MBNL3: variants seen among roughly 807,000 people sequenced by gnomAD.
MBNL3 encodes muscleblind-like protein 3.
MBNL3 carries 6 observed loss-of-function variants against 24.5 expected under a neutral mutation model. That is an observed-to-expected ratio of 0.25 (90% confidence interval 0.13 to 0.48). MBNL3 has a LOEUF of 0.48. Among genes scored for constraint, MBNL3 ranks in the 20% least tolerant of loss-of-function variants. The probability of loss-of-function intolerance (pLI) is 0.99; values close to 1 mark genes in which losing one functional copy is unlikely to be tolerated. For synonymous variants in MBNL3, 100 were observed against 101.7 expected, an observed-to-expected ratio of 0.98 and a Z score of 0.10; for missense variants, 230 against 293.5, an observed-to-expected ratio of 0.78 and a Z score of 1.58.
chrX:132,432,417 A>AT (rs1341228374), intron 2 of MBNL3: 1 of 110,307 alleles, frequency 9.1e-6, no homozygotes, highest in African/African-American at 3.3e-5. Flanking sequence ...ATTCCAGGAC[A>AT]TTTTCATCAC....
chrX:132,483,027 G>A (rs772626876), intron 1 of MBNL3, among the ~76,000 whole-genome samples: 5 of 112,537 alleles, frequency 4.4e-5, no homozygotes, highest in Non-Finnish European at 7.5e-5. Context: ...ATCTGGGTGA[G>A]CTAATAAGGT....
chrX:132,485,656 C>G (rs934064489), intron 1 of MBNL3, among the ~76,000 whole-genome samples: 66 of 112,239 alleles, frequency 5.9e-4, no homozygotes, highest in African/African-American at 2.1e-3. Context: ...TATGAAAGAT[C>G]TAATTGCTTT....
intron 3 of MBNL3, among the ~76,000 whole-genome samples, chrX:132,395,386 T>G (rs1937940663): frequency 8.9e-6 from 1 of 112,116 alleles, no homozygotes; most frequent in Non-Finnish European, 1.9e-5. Flanking sequence ...GTTTTAACTA[T>G]ACTGACTCTG....
At chrX:132,462,139 A>G (rs1434996750) in intron 1 of MBNL3, among the ~76,000 whole-genome samples, 6 of 111,830 alleles carry the variant, frequency 5.4e-5, no homozygotes, top group Admixed American at 4.7e-4. Flanking sequence ...AGTTCTGATA[A>G]CTGGAGTTGA....
chrX:132,413,429 G>A, intron 2 of MBNL3: 1 of 1,008,211 alleles, frequency 9.9e-7, no homozygotes, highest in Non-Finnish European at 1.4e-6. Context: ...CTTCTGCCTT[G>A]ATAAGTTGAG....
chrX:132,410,442 CT>C (rs1180288928), intron 2 of MBNL3, among the ~76,000 whole-genome samples: 1 of 111,315 alleles, frequency 9.0e-6, no homozygotes, highest in African/African-American at 3.3e-5. Flanking sequence ...AGAGAAACAG[CT>C]GTTTGCAGAA....
intron 1 of MBNL3, among the ~76,000 whole-genome samples, chrX:132,466,171 G>C (rs1222828911): frequency 1.8e-5 from 2 of 112,272 alleles, no homozygotes; most frequent in Non-Finnish European, 3.8e-5. Context: ...GAAGTGATTT[G>C]TAAAACGTTG....
intron 2 of MBNL3, among the ~76,000 whole-genome samples, chrX:132,435,679 T>C (rs971887361): frequency 2.7e-5 from 3 of 111,849 alleles, no homozygotes; most frequent in African/African-American, 9.7e-5. Flanking sequence ...ATATGTGATT[T>C]TGAAGACATG....
rs926323528 is a variant in MBNL3 at position 132,369,405 on chromosome X, A to G, written c.*10261T>C. ...TTACTATATATACAGAAATATATATAATTAACATGGATCCAATTATCTCAT... is the reference window on the plus strand; with the variant it reads ...TTACTATATATACAGAAATATATATGATTAACATGGATCCAATTATCTCAT... On this transcript the variant is annotated 3_prime_UTR_variant, in exon 9 of 9. Transcript: ENST00000370853. The G allele has an allele frequency of 8.9e-6, 1 of 112,146 alleles. No individual in the cohort carries two copies. Among genetic ancestry groups the G allele is most frequent in the Non-Finnish European group, 1.9e-5 (1 of 53,211 alleles). 9.2% of individuals were successfully genotyped at this position (112,146 alleles called of 1,213,427 possible). A position where few individuals can be genotyped will look rare whatever the true frequency, so the allele number is the denominator to read the frequency against.
intron 1 of MBNL3, among the ~76,000 whole-genome samples, chrX:132,479,424 T>C (rs1947611740): frequency 8.9e-6 from 1 of 112,424 alleles, no homozygotes; most frequent in Non-Finnish European, 1.9e-5. Context: ...AATTTTAGTG[T>C]ATCTTAACAT....
chrX:132,446,567 C>T (rs961631489), intron 1 of MBNL3, among the ~76,000 whole-genome samples: 4 of 112,281 alleles, frequency 3.6e-5, no homozygotes, highest in African/African-American at 1.3e-4. Context: ...TGAGAAGTGT[C>T]TGTTCATATC....
intron 2 of MBNL3, among the ~76,000 whole-genome samples, chrX:132,426,487 G>A (rs138302543): frequency 0.025 from 2,759 of 110,861 alleles, 67 homozygotes; most frequent in African/African-American, 0.085. Context: ...CTTTTTTTCT[G>A]TCATTTTTTT....
chrX:132,391,449 T>G (rs180839433), intron 4 of MBNL3, among the ~76,000 whole-genome samples: 8 of 112,218 alleles, frequency 7.1e-5, no homozygotes, highest in Admixed American at 3.8e-4. Flanking sequence ...CATAATGCAC[T>G]GGTTTTCCAA....
chrX:132,413,933 C>CT (rs759025057), intron 2 of MBNL3, among the ~76,000 whole-genome samples: 1 of 111,907 alleles, frequency 8.9e-6, no homozygotes, highest in African/African-American at 3.3e-5. Flanking sequence ...TTAATCTTTT[C>CT]TTTTTTTCCT....
At chrX:132,422,116 C>T in intron 2 of MBNL3, among the ~76,000 whole-genome samples, 1 of 106,764 alleles carries the variant, frequency 9.4e-6, no homozygotes, top group Non-Finnish European at 1.9e-5. Context: ...TGTGAAATGT[C>T]TGAATATACT....
intron 1 of MBNL3, among the ~76,000 whole-genome samples, chrX:132,454,628 C>T (rs776646464): frequency 8.9e-6 from 1 of 112,088 alleles, no homozygotes; most frequent in Non-Finnish European, 1.9e-5. Context: ...CCTCCAGTAG[C>T]CTTGAAGGGA....
At chrX:132,445,556 A>G (rs773108572) in intron 1 of MBNL3, among the ~76,000 whole-genome samples, 24 of 111,267 alleles carry the variant, frequency 2.2e-4, no homozygotes, top group African/African-American at 7.5e-4. Context: ...TAAATTCCAT[A>G]TGTCTTTTTT....
At chrX:132,382,107 A>G in intron 8 of MBNL3, 71 bp downstream of exon 8, 1 of 943,733 alleles carries the variant, frequency 1.1e-6, no homozygotes, top group Non-Finnish European at 1.5e-6. Flanking sequence ...ACCAATCCAA[A>G]AAGCATATAC....
chrX:132,385,354 C>T (rs1218680469), intron 6 of MBNL3, among the ~76,000 whole-genome samples: 1 of 111,472 alleles, frequency 9.0e-6, no homozygotes, highest in Non-Finnish European at 1.9e-5. Flanking sequence ...TTATTATATT[C>T]AACCACCTTG....
Sources: allele counts gnomAD v4.1 joint callset (sites outside exome capture counted in the v4.1 genomes callset), GRCh38; gene constraint gnomAD v4.1.1; transcripts MANE v1.5; gene names NCBI Gene and HGNC (gene_info 2026-07-23, HGNC 2026-07-21).